FRMD4A: variants seen among roughly 807,000 people sequenced by gnomAD.
FRMD4A encodes the protein FERM domain-containing protein 4A.
In FRMD4A, 29 loss-of-function variants were observed where a neutral mutation model predicts 129.1. The ratio of observed to expected loss-of-function variants is 0.22; its 90% CI spans 0.17 to 0.31. The LOEUF is 0.31. Among genes scored for constraint, FRMD4A ranks in the 10% least tolerant of loss-of-function variants. FRMD4A has a pLI of 1.00. For missense variants in FRMD4A, 1,272 were observed against 1,375.8 expected (o/e 0.92, Z 1.19); for synonymous variants, 634 against 571.6 (o/e 1.11, Z -1.56).
chr10:14,205,950 C>T (rs1842770891), intron 2 of FRMD4A, among the ~76,000 whole-genome samples: 1 of 152,068 alleles, frequency 6.6e-6, no homozygotes, highest in African/African-American at 2.4e-5. Flanking sequence ...GTGGTATGAG[C>T]CTCATTTCTT....
rs779471389 is a variant in FRMD4A, at chr10:14,010,664, C to CTTTTT, written c.46-151757_46-151753dup. On this transcript the variant is annotated intron_variant, in intron 2 of 24. Coordinates refer to ENST00000357447, the MANE Select transcript of FRMD4A (RefSeq NM_018027.5). The stretch of plus-strand genomic sequence containing the variant: ...TCAAAATTAATTGTCGAGTTTAGGT[C>CTTTTT]TTTTTTTTTTTTTTTTTTTTTTTTA... 1.7e-3 allele frequency among the ~76,000 whole-genome samples: 130 copies of CTTTTT among 76,422 alleles called. 11 individuals carry two copies. Among genetic ancestry groups the CTTTTT allele is most frequent in the Non-Finnish European group, 2.3e-3 (94 of 41,304 alleles). The allele number at this position is 76,422 out of a possible 152,430, so 50.1% of individuals were successfully genotyped here. A position where few individuals can be genotyped will look rare whatever the true frequency, so the allele number is the denominator to read the frequency against.
chr10:14,147,075 A>C (rs770774232), intron 2 of FRMD4A, among the ~76,000 whole-genome samples: 14 of 152,232 alleles, frequency 9.2e-5, no homozygotes, highest in Non-Finnish European at 1.6e-4. Flanking sequence ...CCAGACAGGT[A>C]GGTTCATTGA....
chr10:14,163,058 T>A (rs996120440), intron 2 of FRMD4A, among the ~76,000 whole-genome samples: 1 of 152,204 alleles, frequency 6.6e-6, no homozygotes, highest in East Asian at 1.9e-4. Flanking sequence ...CAAAGAATAA[T>A]AGAAAGTTTG....
chr10:14,193,061 T>C (rs1842364684), intron 2 of FRMD4A, among the ~76,000 whole-genome samples: 1 of 152,226 alleles, frequency 6.6e-6, no homozygotes, highest in Non-Finnish European at 1.5e-5. Context: ...AATACTGTTT[T>C]CAGAAATTCT....
intron 2 of FRMD4A, among the ~76,000 whole-genome samples, chr10:14,029,905 GT>G (rs34136410): frequency 0.18 from 27,661 of 151,784 alleles, 3,813 homozygotes; most frequent in African/African-American, 0.39. Flanking sequence ...ATTATTCTGC[GT>G]TGTGGATATC....
intron 2 of FRMD4A, among the ~76,000 whole-genome samples, chr10:14,075,231 T>G (rs1835517465): frequency 6.6e-6 from 1 of 152,244 alleles, no homozygotes; most frequent in South Asian, 2.1e-4. Flanking sequence ...AAGCACTTTA[T>G]GTCCTGGTGA....
chr10:14,082,326 T>C (rs1426059841), intron 2 of FRMD4A, among the ~76,000 whole-genome samples: 2 of 152,200 alleles, frequency 1.3e-5, no homozygotes, highest in Non-Finnish European at 2.9e-5. Context: ...GGAATCTCTG[T>C]TGAAAACCAA....
chr10:14,056,841 TTC>T (rs1834557594), intron 2 of FRMD4A, among the ~76,000 whole-genome samples: 1 of 152,246 alleles, frequency 6.6e-6, no homozygotes, highest in South Asian at 2.1e-4. Flanking sequence ...ATAGTTCTTG[TTC>T]TCTGTCATTC....
chr10:13,703,335 C>T (rs757477892), intron 13 of FRMD4A, among the ~76,000 whole-genome samples: 1 of 152,112 alleles, frequency 6.6e-6, no homozygotes, highest in African/African-American at 2.4e-5. Context: ...TTACCCAAAC[C>T]GTAGAAGTGA....
chr10:14,277,300 A>G (rs1418523584), intron 2 of FRMD4A, among the ~76,000 whole-genome samples: 1 of 152,196 alleles, frequency 6.6e-6, no homozygotes, highest in African/African-American at 2.4e-5. Context: ...GTCCCCTCAA[A>G]TTTACATGTG....
intron 2 of FRMD4A, among the ~76,000 whole-genome samples, chr10:14,034,197 T>G (rs1427310238): frequency 6.6e-6 from 1 of 152,142 alleles, no homozygotes; most frequent in Admixed American, 6.5e-5. Context: ...TTTCCCTAGA[T>G]GTTCATTAAG....
intron 2 of FRMD4A, among the ~76,000 whole-genome samples, chr10:13,924,840 G>T (rs566997688): frequency 2.4e-4 from 36 of 151,952 alleles, no homozygotes; most frequent in Admixed American, 1.2e-3. Flanking sequence ...CGAAGCGGGC[G>T]GATCATGAGG....
chr10:14,155,327 A>C (rs949169931), intron 2 of FRMD4A, among the ~76,000 whole-genome samples: 5 of 152,172 alleles, frequency 3.3e-5, no homozygotes, highest in Admixed American at 2.6e-4. Context: ...CTTGTGTTGA[A>C]AATATAAAAT....
chr10:13,654,542 G>T (rs537063210), intron 22 of FRMD4A, 30 bp from the exon 23 acceptor site: 6 of 1,407,466 alleles, frequency 4.3e-6, no homozygotes, highest in African/African-American at 4.2e-5. Flanking sequence ...GAAAGGCAGA[G>T]AGCAGACAGG....
At position 14,011,796 on chromosome 10, in the gene FRMD4A, G is replaced by A. The variant is rs973504835; in HGVS notation, c.46-152884C>T. 2.0e-5 allele frequency among the ~76,000 whole-genome samples: 3 copies of A among 152,106 alleles called. No individual in the cohort carries two copies. The South Asian group carries it at 6.2e-4, about 32-fold the overall frequency. The stretch of plus-strand genomic sequence containing the variant: ...CTCAGAGGTAGGTGGATCACCTGAG[G>A]TCAGGAGTTCAAGACCAGCCTGGCC... On this transcript the variant is annotated intron_variant, in intron 2 of 24. Coordinates refer to ENST00000357447, the MANE Select transcript of FRMD4A (RefSeq NM_018027.5).
intron 2 of FRMD4A, among the ~76,000 whole-genome samples, chr10:14,153,008 C>A (rs1840418178): frequency 6.6e-6 from 1 of 152,082 alleles, no homozygotes; most frequent in South Asian, 2.1e-4. Flanking sequence ...GCACTAGTGC[C>A]CCAGGCCTCG....
chr10:13,890,740 G>T, intron 2 of FRMD4A: 3 of 985,398 alleles, frequency 3.0e-6, no homozygotes, highest in Non-Finnish European at 3.6e-6. Flanking sequence ...GGTGGGGTCA[G>T]GGAGTCCTTT....
chr10:13,724,853 T>C (rs2089768604), intron 12 of FRMD4A, among the ~76,000 whole-genome samples: 1 of 152,110 alleles, frequency 6.6e-6, no homozygotes, highest in Non-Finnish European at 1.5e-5. Flanking sequence ...AGACCAGGCA[T>C]TGTGTGGGAA....
intron 2 of FRMD4A, among the ~76,000 whole-genome samples, chr10:14,237,873 G>A (rs907430351): frequency 2.0e-5 from 3 of 152,240 alleles, no homozygotes; most frequent in Non-Finnish European, 2.9e-5. Context: ...GGTCCTCCTC[G>A]GCCAGCTTCT....
Sources: allele counts gnomAD v4.1 joint callset (sites outside exome capture counted in the v4.1 genomes callset), GRCh38; gene constraint gnomAD v4.1.1; transcripts MANE v1.5; gene names NCBI Gene and HGNC (gene_info 2026-07-23, HGNC 2026-07-21).